The following TNFRSF21 variants were observed in gnomAD, a reference collection of about 807,000 sequenced individuals.
The protein encoded by TNFRSF21 is tumor necrosis factor receptor superfamily member 21.
In TNFRSF21, 19 loss-of-function variants were observed where a neutral mutation model predicts 45.6. The observed-to-expected ratio is 0.42, with a 90% CI of 0.29 to 0.61. The LOEUF (loss-of-function observed/expected upper bound fraction) is 0.61, where lower values mean the gene tolerates loss of function less well. TNFRSF21 is among the 20% of genes least tolerant of loss of function. The pLI is 0.23. For missense variants in TNFRSF21, 737 were observed against 851.5 expected, an observed-to-expected ratio of 0.87 and a Z score of 1.67; for synonymous variants, 314 against 335.5, an observed-to-expected ratio of 0.94 and a Z score of 0.70.
rs765726613 is a variant in TNFRSF21, at chr6:47,234,915, T to G, written c.1510-17A>C. On this transcript the variant is annotated splice_polypyrimidine_tract_variant and intron_variant, in intron 4 of 5. Transcript: ENST00000296861. ...AGTTTCCAGCTGTAGGAGGGAAAAT[T>G]TTTTTTTATTATATATAGAAAAAAA... is the stretch of plus-strand genomic sequence containing the variant. 12 of 1,320,270 alleles carry G rather than the reference T, an allele frequency of 9.1e-6. No individual in the cohort carries two copies. The South Asian group carries it at 2.7e-4, about 30-fold the overall frequency. The allele number at this position is 1,320,270 out of a possible 1,614,324, so 81.8% of individuals were successfully genotyped here.
chr6:47,233,123 A>G lies in TNFRSF21; in HGVS notation c.1739-129T>C, dbSNP rs900340439. The G allele has an allele frequency of 7.8e-6, 6 of 766,006 alleles. No individual in the cohort carries two copies. The African/African-American group carries it at 1.1e-4, about 13-fold the overall frequency. The allele number at this position is 766,006 out of a possible 1,614,324, so 47.5% of individuals were successfully genotyped here. A position where few individuals can be genotyped will look rare whatever the true frequency, so the allele number is the denominator to read the frequency against. On this transcript the variant is annotated intron_variant, in intron 5 of 5. Transcript: ENST00000296861. ...CCCAGCCTATTATTCTCCATCCTCCATTACAGTGAGAGAGTGAGTGATCCT... is the reference window on the plus strand; with the variant it reads ...CCCAGCCTATTATTCTCCATCCTCCGTTACAGTGAGAGAGTGAGTGATCCT...
At chr6:47,282,612 A>C (rs1032514778) in intron 3 of TNFRSF21, among the ~76,000 whole-genome samples, 2 of 152,174 alleles carry the variant, frequency 1.3e-5, no homozygotes, top group African/African-American at 4.8e-5. Flanking sequence ...GAAAACTAAT[A>C]AAGAAAAAAG....
At chr6:47,245,220 AAT>A (rs572488765) in intron 4 of TNFRSF21, among the ~76,000 whole-genome samples, 7 of 152,196 alleles carry the variant, frequency 4.6e-5, no homozygotes, top group Non-Finnish European at 8.8e-5. Context: ...AGCTTCACAG[AAT>A]ATATTCTCAA....
At chr6:47,305,799 C>A (rs149981620) in intron 1 of TNFRSF21, among the ~76,000 whole-genome samples, 130 of 152,258 alleles carry the variant, frequency 8.5e-4, no homozygotes, top group African/African-American at 3.0e-3. Flanking sequence ...ATATCTTTAC[C>A]AATTATGGCT....
At chr6:47,255,066 A>G (rs1387713527) in intron 3 of TNFRSF21, among the ~76,000 whole-genome samples, 3 of 152,150 alleles carry the variant, frequency 2.0e-5, no homozygotes, top group African/African-American at 7.2e-5. Flanking sequence ...TATAATGACT[A>G]TGGCTGGTTA....
At chr6:47,258,397 G>A (rs1765019939) in intron 3 of TNFRSF21, among the ~76,000 whole-genome samples, 1 of 124,554 alleles carries the variant, frequency 8.0e-6, no homozygotes, top group Non-Finnish European at 1.6e-5. Flanking sequence ...AAGTAATTGT[G>A]GTTTTTTTTT....
At chr6:47,265,953 T>C (rs1762327687) in intron 3 of TNFRSF21, among the ~76,000 whole-genome samples, 1 of 152,190 alleles carries the variant, frequency 6.6e-6, no homozygotes, top group Admixed American at 6.5e-5. Context: ...GTTTTAATAA[T>C]TCAGATGAAA....
chr6:47,294,741 G>C (rs988167299), intron 1 of TNFRSF21, among the ~76,000 whole-genome samples: 3 of 151,780 alleles, frequency 2.0e-5, no homozygotes, highest in Admixed American at 6.6e-5. Context: ...ATGTTGCCCA[G>C]GCTGATCTCA....
At chr6:47,256,864 G>T (rs1582326194) in intron 3 of TNFRSF21, among the ~76,000 whole-genome samples, 3 of 152,130 alleles carry the variant, frequency 2.0e-5, no homozygotes, top group South Asian at 4.2e-4. Context: ...ATGAAAACAT[G>T]ACCATGTTTT....
At chr6:47,275,734 A>G (rs1442240211) in intron 3 of TNFRSF21, among the ~76,000 whole-genome samples, 1 of 152,076 alleles carries the variant, frequency 6.6e-6, no homozygotes, top group African/African-American at 2.4e-5. Context: ...TTTTCCCCCA[A>G]CCCTGTGACC....
At chr6:47,294,070 CATAA>C (rs1452685841) in intron 1 of TNFRSF21, among the ~76,000 whole-genome samples, 8 of 152,174 alleles carry the variant, frequency 5.3e-5, no homozygotes, top group Admixed American at 1.3e-4. Flanking sequence ...ACTTACAGAC[CATAA>C]ATAATTAGAA....
At chr6:47,308,251 C>T (rs1464293458) in intron 1 of TNFRSF21, among the ~76,000 whole-genome samples, 1 of 152,234 alleles carries the variant, frequency 6.6e-6, no homozygotes, top group African/African-American at 2.4e-5. Flanking sequence ...CAGGCCATAG[C>T]AACTGCAATG....
At chr6:47,261,493 A>G (rs9473043) in intron 3 of TNFRSF21, among the ~76,000 whole-genome samples, 69,523 of 152,076 alleles carry the variant, frequency 0.46, 17,343 homozygotes, top group East Asian at 0.77. Context: ...TGAGAACCTG[A>G]GTGGCCCCAG....
intron 1 of TNFRSF21, among the ~76,000 whole-genome samples, chr6:47,294,443 C>T (rs796811710): frequency 2.9e-4 from 44 of 152,220 alleles, no homozygotes; most frequent in African/African-American, 1.0e-3. Flanking sequence ...CGCCCGGCTG[C>T]GCACAGGTTT....
At chr6:47,246,155 T>C (rs904420266) in intron 4 of TNFRSF21, among the ~76,000 whole-genome samples, 4 of 152,180 alleles carry the variant, frequency 2.6e-5, no homozygotes, top group African/African-American at 9.7e-5. Context: ...CTCAGGACCA[T>C]GAAGCTTGCT....
chr6:47,277,012 A>T (rs1315024226), intron 3 of TNFRSF21, among the ~76,000 whole-genome samples: 1 of 151,858 alleles, frequency 6.6e-6, no homozygotes, highest in Admixed American at 6.6e-5. Context: ...TGTTTTTTTG[A>T]GATGGAGTTT....
chr6:47,277,008 T>C (rs1762508351), intron 3 of TNFRSF21, among the ~76,000 whole-genome samples: 1 of 152,200 alleles, frequency 6.6e-6, no homozygotes, highest in South Asian at 2.1e-4. Context: ...GTTTTGTTTT[T>C]TTGAGATGGA....
rs1464937995 is a variant in TNFRSF21 at position 47,286,559 on chromosome 6, G to C, written c.133C>G (p.Gln45Glu). 6.2e-7 allele frequency: 1 copy of C among 1,610,892 alleles called. No homozygotes were observed. Among genetic ancestry groups the C allele is most frequent in the East Asian group, 2.2e-5 (1 of 44,736 alleles). The change falls in exon 2 of 6, where the codon CAG becomes GAG. Residue 45 changes from glutamine (Q) to glutamate (E), a missense_variant. By Grantham distance (29) the Gln-to-Glu change is conservative. Coordinates refer to ENST00000296861, the MANE Select transcript of TNFRSF21 (RefSeq NM_014452.5). ...GTGCCAATGAGATTCGAGGCCTTCT[G>C]TTCTGGCTGAGCTGTGGTGGTGCTA... ...FLSTTTAQPEQKASNLIGTYR... is the reference protein window; with the variant it reads ...FLSTTTAQPEEKASNLIGTYR...
At chr6:47,234,180 T>G (rs1480792676) in intron 5 of TNFRSF21, among the ~76,000 whole-genome samples, 3 of 152,150 alleles carry the variant, frequency 2.0e-5, no homozygotes, top group Non-Finnish European at 4.4e-5. Context: ...TTTCACCATG[T>G]TGGCCAGGCT....
Sources: allele counts gnomAD v4.1 joint callset (sites outside exome capture counted in the v4.1 genomes callset), GRCh38; gene constraint gnomAD v4.1.1; transcripts MANE v1.5; gene names NCBI Gene and HGNC (gene_info 2026-07-23, HGNC 2026-07-21).